The following EVI5 variants were observed in gnomAD, a reference collection of about 807,000 sequenced individuals.
EVI5 encodes ecotropic viral integration site 5 protein homolog.
Under a neutral mutation model 112.0 loss-of-function variants are expected in EVI5, and 73 were observed. The ratio of observed to expected loss-of-function variants is 0.65; its 90% CI spans 0.54 to 0.79. EVI5 has a LOEUF of 0.79. Ranked by LOEUF, EVI5 falls within the 30% of genes least tolerant of loss-of-function variation. The pLI is 0.00. For synonymous variants in EVI5, 305 were observed against 319.9 expected (o/e 0.95, Z 0.50); for missense variants, 900 against 968.8 (o/e 0.93, Z 0.94).
chr1:92,618,556 T>C (rs773360009), intron 16 of EVI5, among the ~76,000 whole-genome samples: 5 of 152,184 alleles, frequency 3.3e-5, no homozygotes. Context: ...AGTATTACCA[T>C]GCCCTGTGAT....
chr1:92,644,652 T>C (rs1660616505), intron 13 of EVI5, among the ~76,000 whole-genome samples: 1 of 152,180 alleles, frequency 6.6e-6, no homozygotes, highest in African/African-American at 2.4e-5. Flanking sequence ...CACTTAATAT[T>C]ATAAGCACTT....
intron 2 of EVI5, among the ~76,000 whole-genome samples, chr1:92,727,932 T>C (rs1675833867): frequency 1.3e-5 from 2 of 151,224 alleles, no homozygotes; most frequent in South Asian, 4.2e-4. Flanking sequence ...AGATGAAGGC[T>C]GCAGTGAGCC....
intron 1 of EVI5, among the ~76,000 whole-genome samples, chr1:92,746,806 A>G (rs1435291014): frequency 1.3e-5 from 2 of 151,708 alleles, no homozygotes; most frequent in African/African-American, 4.8e-5. Context: ...CTAAGGCGGG[A>G]GGATCACTTG....
intron 2 of EVI5, among the ~76,000 whole-genome samples, chr1:92,712,108 AT>A (rs1282407831): frequency 6.6e-6 from 1 of 152,184 alleles, no homozygotes; most frequent in Non-Finnish European, 1.5e-5. Context: ...CAACGCATGA[AT>A]TTTAGAGGGT....
chr1:92,673,749 A>G (rs1275564737), intron 10 of EVI5, among the ~76,000 whole-genome samples: 2 of 152,216 alleles, frequency 1.3e-5, no homozygotes, highest in East Asian at 1.9e-4. Context: ...AAAATTTAAG[A>G]TTTTCCATAT....
chr1:92,703,652 A>C (rs747822126), intron 3 of EVI5, 33 bp from the exon 4 acceptor site: 2 of 1,320,798 alleles, frequency 1.5e-6, no homozygotes, highest in East Asian at 2.5e-5. Context: ...AAAATGAATT[A>C]TTTAAGTGTC....
intron 13 of EVI5, among the ~76,000 whole-genome samples, chr1:92,639,127 T>C (rs1478599727): frequency 6.6e-6 from 1 of 152,190 alleles, no homozygotes; most frequent in African/African-American, 2.4e-5. Context: ...CAAGTTAATT[T>C]ATGTAAATGA....
chr1:92,677,078 A>T, intron 10 of EVI5, 80 bp downstream of exon 10: 1 of 846,420 alleles, frequency 1.2e-6, no homozygotes, highest in Non-Finnish European at 1.9e-6. Flanking sequence ...TATGAATATA[A>T]GAAGTACAAA....
intron 16 of EVI5, among the ~76,000 whole-genome samples, chr1:92,610,542 C>T (rs1651519488): frequency 1.3e-5 from 2 of 151,974 alleles, no homozygotes; most frequent in Admixed American, 1.3e-4. Flanking sequence ...TCTAAAATTA[C>T]AGTATTAATG....
chr1:92,600,398 TA>T (rs68009667), intron 18 of EVI5, among the ~76,000 whole-genome samples: 140,242 of 152,222 alleles, frequency 0.92, 64,688 homozygotes, highest in East Asian at 0.97. Flanking sequence ...ACATACAATG[TA>T]ACTTTGTTTT....
chr1:92,680,105 C>T (rs1667356299), intron 9 of EVI5, among the ~76,000 whole-genome samples: 1 of 152,182 alleles, frequency 6.6e-6, no homozygotes, highest in African/African-American at 2.4e-5. Context: ...ATTTTCTATA[C>T]ACTATTAACA....
chr1:92,546,890 A>G (rs1299925468), intron 19 of EVI5, among the ~76,000 whole-genome samples: 1 of 152,098 alleles, frequency 6.6e-6, no homozygotes, highest in African/African-American at 2.4e-5. Context: ...CTCCCACACA[A>G]TAATAATGAG....
intron 18 of EVI5, among the ~76,000 whole-genome samples, chr1:92,576,422 A>G (rs889747106): frequency 3.3e-5 from 5 of 152,142 alleles, no homozygotes; most frequent in African/African-American, 1.2e-4. Flanking sequence ...TTAACCTTTC[A>G]GTGCTATGAA....
chr1:92,717,407 A>G (rs1158500287), intron 2 of EVI5, among the ~76,000 whole-genome samples: 1 of 152,234 alleles, frequency 6.6e-6, no homozygotes, highest in Non-Finnish European at 1.5e-5. Context: ...CTTAAAGAAA[A>G]GAATTTTCAA....
At chr1:92,762,146 T>C (rs1681972070) in intron 1 of EVI5, among the ~76,000 whole-genome samples, 1 of 152,168 alleles carries the variant, frequency 6.6e-6, no homozygotes, top group Admixed American at 6.5e-5. Context: ...GAAATAATGG[T>C]AACACGACAA....
chr1:92,654,311 A>G (rs1445557050), intron 13 of EVI5, among the ~76,000 whole-genome samples: 1 of 152,174 alleles, frequency 6.6e-6, no homozygotes, highest in African/African-American at 2.4e-5. Context: ...ACACAAGTGC[A>G]CAGTGCTGGG....
intron 2 of EVI5, among the ~76,000 whole-genome samples, chr1:92,709,086 G>A (rs1466303009): frequency 6.6e-6 from 1 of 152,168 alleles, no homozygotes; most frequent in Non-Finnish European, 1.5e-5. Context: ...TAAACTTTAA[G>A]TGGGGGAATT....
upstream of EVI5, among the ~76,000 whole-genome samples, chr1:92,785,549 CTTGTAA>C (rs1297466790): frequency 6.6e-6 from 1 of 152,212 alleles, no homozygotes; most frequent in Non-Finnish European, 1.5e-5. Context: ...GTAAATGACA[CTTGTAA>C]TTGTAATGTA....
chr1:92,751,622 G>A (rs191509138), intron 1 of EVI5, among the ~76,000 whole-genome samples: 1 of 150,992 alleles, frequency 6.6e-6, no homozygotes, highest in African/African-American at 2.5e-5. Flanking sequence ...TCCTGAAAGG[G>A]GTTGCATGAG....
Sources: allele counts gnomAD v4.1 joint callset (sites outside exome capture counted in the v4.1 genomes callset), GRCh38; gene constraint gnomAD v4.1.1; transcripts MANE v1.5; gene names NCBI Gene and HGNC (gene_info 2026-07-23, HGNC 2026-07-21).